Variants in GABRA3 observed in about 807,000 individuals in gnomAD.
The protein encoded by GABRA3 is gamma-aminobutyric acid type A receptor subunit alpha3.
A neutral mutation model predicts 30.1 loss-of-function variants in GABRA3; 10 were observed. The ratio of observed to expected loss-of-function variants is 0.33; its 90% CI spans 0.20 to 0.56. The LOEUF is 0.56. Among genes scored for constraint, GABRA3 ranks in the 20% least tolerant of loss-of-function variants. The pLI, the probability that GABRA3 is intolerant of heterozygous loss-of-function variation, is 0.89. For missense variants in GABRA3, 233 were observed against 392.0 expected, an observed-to-expected ratio of 0.59 and a Z score of 3.42; for synonymous variants, 151 against 146.8, an observed-to-expected ratio of 1.03 and a Z score of -0.21.
chrX:152,225,230 G>C (rs1351789065), intron 5 of GABRA3, among the ~76,000 whole-genome samples: 1 of 110,394 alleles, frequency 9.1e-6, no homozygotes, highest in Non-Finnish European at 1.9e-5. Flanking sequence ...GCTATTCTGT[G>C]AGTTAACCAA....
chrX:152,378,574 G>GA (rs1317330074), intron 1 of GABRA3, among the ~76,000 whole-genome samples: 1 of 110,187 alleles, frequency 9.1e-6, no homozygotes, highest in Non-Finnish European at 1.9e-5. Context: ...ATAAATAAAT[G>GA]AAAAAAACAC....
chrX:152,182,312 T>TATATAC (rs1302458573), intron 9 of GABRA3, among the ~76,000 whole-genome samples: 2 of 89,310 alleles, frequency 2.2e-5, no homozygotes, highest in African/African-American at 8.3e-5. Context: ...TATATATATA[T>TATATAC]ACACACACAC....
In GABRA3 at chrX:152,167,926, G is replaced by A; in HGVS notation, c.*302C>T. On this transcript the variant is annotated 3_prime_UTR_variant, in exon 10 of 10. Transcript: ENST00000370314. The stretch of plus-strand genomic sequence containing the variant: ...GAATCTCTTGTTCTTTTTGCAGCGG[G>A]CAGAGTGCAATAAAATACATGCAGT... The A allele has an allele frequency of 6.3e-6, 2 of 315,094 alleles. No individual in the cohort carries two copies. The highest frequency in any genetic ancestry group is 5.3e-5 in the East Asian group (1 of 18,694). The allele number at this position is 315,094 out of a possible 1,213,427, so 26.0% of individuals were successfully genotyped here. A position where few individuals can be genotyped will look rare whatever the true frequency, so the allele number is the denominator to read the frequency against.
At chrX:152,234,307 T>A (rs1276917066) in intron 5 of GABRA3, among the ~76,000 whole-genome samples, 1 of 111,474 alleles carries the variant, frequency 9.0e-6, no homozygotes, top group Non-Finnish European at 1.9e-5. Context: ...GCCCACTTTT[T>A]AATGGGGTTA....
intron 1 of GABRA3, among the ~76,000 whole-genome samples, chrX:152,365,901 A>T (rs1432797867): frequency 8.9e-6 from 1 of 111,833 alleles, no homozygotes; most frequent in East Asian, 2.8e-4. Flanking sequence ...TTAGAGACAG[A>T]GATAATCATA....
At chrX:152,243,142 G>T (rs1403462180) in intron 5 of GABRA3, among the ~76,000 whole-genome samples, 1 of 111,923 alleles carries the variant, frequency 8.9e-6, no homozygotes, top group Admixed American at 9.5e-5. Flanking sequence ...TTTATATGTG[G>T]AGTGTATAAA....
chrX:152,275,224 A>AATTTATATT (rs1207724415), intron 4 of GABRA3, among the ~76,000 whole-genome samples: 8 of 69,283 alleles, frequency 1.2e-4, no homozygotes, highest in East Asian at 4.1e-4. Flanking sequence ...TTATATATAT[A>AATTTATATT]TAATTTATAT....
chrX:152,371,761 C>T (rs1428985781), intron 1 of GABRA3, among the ~76,000 whole-genome samples: 1 of 111,356 alleles, frequency 9.0e-6, no homozygotes, highest in Non-Finnish European at 1.9e-5. Context: ...ACTGAATCCA[C>T]TCTTAGTATT....
chrX:152,302,077 A>G (rs1939641511), intron 3 of GABRA3, among the ~76,000 whole-genome samples: 1 of 111,861 alleles, frequency 8.9e-6, no homozygotes, highest in Non-Finnish European at 1.9e-5. Flanking sequence ...ATGAATTAGA[A>G]TAAAACAATT....
At chrX:152,252,158 C>G (rs1182594174) in intron 5 of GABRA3, among the ~76,000 whole-genome samples, 1 of 111,086 alleles carries the variant, frequency 9.0e-6, no homozygotes, top group East Asian at 2.8e-4. Context: ...ATTTTTCAAA[C>G]AAGCTTCTCG....
chrX:152,380,307 A>G (rs1929108583), intron 1 of GABRA3, among the ~76,000 whole-genome samples: 1 of 111,421 alleles, frequency 9.0e-6, no homozygotes, highest in Admixed American at 9.5e-5. Flanking sequence ...CTCTGCTTCT[A>G]TGAATTCAAC....
intron 1 of GABRA3, among the ~76,000 whole-genome samples, chrX:152,415,561 C>T (rs974085586): frequency 4.5e-5 from 5 of 110,531 alleles, no homozygotes; most frequent in African/African-American, 1.3e-4. Flanking sequence ...TAAATCTATA[C>T]ATGGGATTAT....
chrX:152,222,961 A>G (rs1421035876), intron 6 of GABRA3, among the ~76,000 whole-genome samples: 1 of 110,838 alleles, frequency 9.0e-6, no homozygotes, highest in Non-Finnish European at 1.9e-5. Context: ...CAAATTCAAA[A>G]TTCATCAATT....
intron 8 of GABRA3, among the ~76,000 whole-genome samples, chrX:152,195,446 C>T (rs1937373456): frequency 8.9e-6 from 1 of 112,376 alleles, no homozygotes; most frequent in Non-Finnish European, 1.9e-5. Flanking sequence ...TTGCCTAAAA[C>T]AATTAAATGC....
intron 5 of GABRA3, among the ~76,000 whole-genome samples, chrX:152,253,066 C>T (rs1376397877): frequency 3.6e-5 from 4 of 111,506 alleles, no homozygotes; most frequent in Non-Finnish European, 7.5e-5. Context: ...ATATTGACTA[C>T]CACACTTAGC....
intron 1 of GABRA3, among the ~76,000 whole-genome samples, chrX:152,395,613 A>C (rs1929639590): frequency 8.9e-6 from 1 of 111,944 alleles, no homozygotes; most frequent in South Asian, 3.7e-4. Flanking sequence ...TTGTTTGAGC[A>C]TCTGATCATG....
At chrX:152,247,149 A>G (rs945185222) in intron 5 of GABRA3, among the ~76,000 whole-genome samples, 1 of 111,819 alleles carries the variant, frequency 8.9e-6, no homozygotes, top group African/African-American at 3.2e-5. Flanking sequence ...ACAATAAAAA[A>G]TTTCATGGTC....
chrX:152,342,480 C>T (rs143426223), intron 3 of GABRA3, among the ~76,000 whole-genome samples: 1,992 of 110,977 alleles, frequency 0.018, 27 homozygotes, highest in Non-Finnish European at 0.027. Flanking sequence ...TCTTTCTCTC[C>T]ATGTCTTGTT....
At chrX:152,295,146 G>A (rs1023302398) in intron 3 of GABRA3, among the ~76,000 whole-genome samples, 24 of 112,387 alleles carry the variant, frequency 2.1e-4, no homozygotes, top group Admixed American at 2.8e-4. Flanking sequence ...TAGGCTACAC[G>A]GGGGTCTGGG....
Sources: allele counts gnomAD v4.1 joint callset (sites outside exome capture counted in the v4.1 genomes callset), GRCh38; gene constraint gnomAD v4.1.1; transcripts MANE v1.5; gene names NCBI Gene and HGNC (gene_info 2026-07-23, HGNC 2026-07-21).